The following SLC24A2 variants were observed in gnomAD, a reference collection of about 807,000 sequenced individuals.
SLC24A2 encodes solute carrier family 24 member 2.
SLC24A2 carries 36 observed loss-of-function variants against 62.0 expected under a neutral mutation model. The ratio of observed to expected loss-of-function variants is 0.58; its 90% CI spans 0.44 to 0.77. The LOEUF (loss-of-function observed/expected upper bound fraction) is 0.77, where lower values mean the gene tolerates loss of function less well. Ranked by LOEUF, SLC24A2 falls within the 30% of genes least tolerant of loss-of-function variation. The probability of loss-of-function intolerance (pLI) is 0.00; values close to 1 mark genes in which losing one functional copy is unlikely to be tolerated. For missense variants in SLC24A2, 846 were observed against 817.9 expected, an observed-to-expected ratio of 1.03 and a Z score of -0.42; for synonymous variants, 358 against 294.0, an observed-to-expected ratio of 1.22 and a Z score of -2.23.
chr9:20,198,566 G>T, the SLC24A2 span, among the ~76,000 whole-genome samples: 1 of 152,140 alleles, frequency 6.6e-6, no homozygotes, highest in Non-Finnish European at 1.5e-5. Context: ...GCCAGCTGGC[G>T]GACAAAGGAG....
the SLC24A2 span, among the ~76,000 whole-genome samples, chr9:19,979,400 T>A: frequency 6.6e-6 from 1 of 152,148 alleles, no homozygotes; most frequent in Non-Finnish European, 1.5e-5. Flanking sequence ...TATTCAGAGA[T>A]GCAAAGTATG....
the SLC24A2 span, among the ~76,000 whole-genome samples, chr9:20,038,121 T>C: frequency 6.6e-6 from 1 of 152,162 alleles, no homozygotes; most frequent in African/African-American, 2.4e-5. Flanking sequence ...TGTTTTAAAA[T>C]TGAATCTCCC....
At chr9:19,521,182 G>A (rs1012094971) in intron 9 of SLC24A2, 122 bp from the exon 10 acceptor site, 2 of 857,414 alleles carry the variant, frequency 2.3e-6, no homozygotes, top group Non-Finnish European at 3.9e-6. Context: ...AAAGTGCTGA[G>A]ATGATAAAGA....
chr9:19,832,240 A>G, the SLC24A2 span, among the ~76,000 whole-genome samples: 2 of 152,256 alleles, frequency 1.3e-5, no homozygotes, highest in Non-Finnish European at 2.9e-5. Context: ...TACCATTTAG[A>G]AGTTAAAGAA....
chr9:19,719,152 G>T (rs769976741), intron 2 of SLC24A2, among the ~76,000 whole-genome samples: 2 of 152,098 alleles, frequency 1.3e-5, no homozygotes, highest in Non-Finnish European at 2.9e-5. Context: ...GAAGTTTTCT[G>T]GGGGCATAGC....
At chr9:20,012,275 A>C in the SLC24A2 span, among the ~76,000 whole-genome samples, 34 of 152,192 alleles carry the variant, frequency 2.2e-4, no homozygotes, top group Admixed American at 1.8e-3. Context: ...CAGAAGGTGA[A>C]AGACACATCT....
chr9:19,751,994 T>G (rs1821999212), intron 2 of SLC24A2, among the ~76,000 whole-genome samples: 1 of 152,206 alleles, frequency 6.6e-6, no homozygotes, highest in Non-Finnish European at 1.5e-5. Context: ...AAGAAATCAT[T>G]CATTCCTTCC....
At chr9:19,605,163 G>T (rs930426758) in intron 4 of SLC24A2, among the ~76,000 whole-genome samples, 1 of 152,214 alleles carries the variant, frequency 6.6e-6, no homozygotes, top group African/African-American at 2.4e-5. Flanking sequence ...AGGAGCTAGG[G>T]CATGCCATTA....
the SLC24A2 span, among the ~76,000 whole-genome samples, chr9:20,127,359 C>T: frequency 1.3e-5 from 2 of 152,056 alleles, no homozygotes; most frequent in African/African-American, 4.8e-5. Context: ...TTTATGAAAA[C>T]ATCATTTTTA....
At chr9:19,595,214 G>A (rs745994465) in intron 5 of SLC24A2, among the ~76,000 whole-genome samples, 1 of 152,194 alleles carries the variant, frequency 6.6e-6, no homozygotes, top group Non-Finnish European at 1.5e-5. Context: ...ACGTGATAAA[G>A]AGATCTATTA....
the SLC24A2 span, among the ~76,000 whole-genome samples, chr9:19,985,699 T>G: frequency 2.0e-5 from 3 of 152,168 alleles, no homozygotes; most frequent in African/African-American, 7.2e-5. Context: ...TGTCAAATCT[T>G]ACACAAAATT....
chr9:19,983,146 G>C, the SLC24A2 span, among the ~76,000 whole-genome samples: 2 of 152,142 alleles, frequency 1.3e-5, no homozygotes, highest in African/African-American at 4.8e-5. Context: ...CATTGTACTG[G>C]AAGTTCTAGC....
the SLC24A2 span, among the ~76,000 whole-genome samples, chr9:19,819,364 A>G: frequency 3.3e-5 from 5 of 152,158 alleles, no homozygotes; most frequent in South Asian, 2.1e-4. Context: ...TAATTAAACT[A>G]AAGAGCTTTT....
the SLC24A2 span, among the ~76,000 whole-genome samples, chr9:20,295,608 G>T: frequency 6.6e-6 from 1 of 150,892 alleles, no homozygotes; most frequent in South Asian, 2.1e-4. Flanking sequence ...TGAACAAACA[G>T]ATACAGAAGG....
intron 2 of SLC24A2, among the ~76,000 whole-genome samples, chr9:19,645,238 C>T (rs1470936486): frequency 4.6e-5 from 7 of 152,152 alleles, no homozygotes; most frequent in Non-Finnish European, 5.9e-5. Context: ...AATCTATATT[C>T]GCATTCATTT....
chr9:19,723,370 G>C (rs1821082275), intron 2 of SLC24A2, among the ~76,000 whole-genome samples: 1 of 151,942 alleles, frequency 6.6e-6, no homozygotes. Context: ...CACCAAAAAA[G>C]AATGAGCCCA....
At chr9:20,231,114 C>T in the SLC24A2 span, among the ~76,000 whole-genome samples, 1 of 152,100 alleles carries the variant, frequency 6.6e-6, no homozygotes, top group Non-Finnish European at 1.5e-5. Flanking sequence ...GGTACCAGTA[C>T]CATGTTGTTT....
chr9:19,607,787 C>A (rs1035030998), intron 4 of SLC24A2, among the ~76,000 whole-genome samples: 9 of 150,718 alleles, frequency 6.0e-5, no homozygotes, highest in Non-Finnish European at 1.2e-4. Context: ...TCAAAGCCAA[C>A]CTTTTCATTG....
chr9:20,178,975 A>T, the SLC24A2 span, among the ~76,000 whole-genome samples: 6 of 152,152 alleles, frequency 3.9e-5, no homozygotes, highest in East Asian at 5.8e-4. Flanking sequence ...ACCTGTGTCC[A>T]AAATCACACT....
Sources: gnomAD v4.1 joint callset for allele counts (sites outside exome capture counted in the v4.1 genomes callset) on GRCh38, gnomAD v4.1.1 for gene constraint, MANE v1.5 for transcripts, NCBI Gene and HGNC (gene_info 2026-07-23, HGNC 2026-07-21) for gene names.